PRCC: variants seen among roughly 807,000 people sequenced by gnomAD.
The protein encoded by PRCC is proline-rich protein PRCC.
In PRCC, 10 loss-of-function variants were observed where a neutral mutation model predicts 44.0. That is an observed-to-expected ratio of 0.23 (90% CI 0.14 to 0.39). PRCC has a LOEUF of 0.39. Among genes scored for constraint, PRCC ranks in the 10% least tolerant of loss-of-function variants. The probability of loss-of-function intolerance (pLI) is 1.00; values close to 1 mark genes in which losing one functional copy is unlikely to be tolerated. For missense variants in PRCC, 573 were observed against 624.7 expected, an observed-to-expected ratio of 0.92 and a Z score of 0.88; for synonymous variants, 278 against 259.5, an observed-to-expected ratio of 1.07 and a Z score of -0.69.
intron 4 of PRCC, among the ~76,000 whole-genome samples, chr1:156,792,297 G>A (rs1652516401): frequency 6.6e-6 from 1 of 151,922 alleles, no homozygotes; most frequent in Non-Finnish European, 1.5e-5. Flanking sequence ...CATTGGCATT[G>A]GAGATGCAGC....
chr1:156,777,346 C>T (rs9330271), intron 1 of PRCC, among the ~76,000 whole-genome samples: 127,676 of 152,154 alleles, frequency 0.84, 55,072 homozygotes, highest in Non-Finnish European at 0.94. Flanking sequence ...TTACTTTCTT[C>T]ACCATAAAGT....
chr1:156,784,206 C>T (rs184559837), intron 2 of PRCC, among the ~76,000 whole-genome samples: 2 of 152,266 alleles, frequency 1.3e-5, no homozygotes, highest in Non-Finnish European at 2.9e-5. Context: ...CTCGGCCTCC[C>T]AAAGTACTGA....
At chr1:156,787,222 G>T in intron 3 of PRCC, 48 bp downstream of exon 3, 1 of 1,539,828 alleles carries the variant, frequency 6.5e-7, no homozygotes, top group South Asian at 1.2e-5. Context: ...GGAACATGGT[G>T]GTCAAGGAGA....
Position 156,795,267 on chromosome 1 carries a change from T to A in PRCC, c.1323+459T>A, listed in dbSNP as rs115694110. 6.8e-3 allele frequency among the ~76,000 whole-genome samples: 1,004 copies of A among 147,900 alleles called. 18 individuals are homozygous for A. Among genetic ancestry groups the A allele is most frequent in the African/African-American group, 0.024 (950 of 40,270 alleles). On this transcript the variant is annotated intron_variant, in intron 5 of 6. Transcript: ENST00000271526. ...TCCTTTCCTCCTTCCTTCCTTCCAA[T>A]TGTTTTCATTTTCTGGTGTTTTTTT...
intron 4 of PRCC, among the ~76,000 whole-genome samples, chr1:156,793,971 T>C (rs2102772018): frequency 6.7e-6 from 1 of 148,968 alleles, no homozygotes; most frequent in African/African-American, 2.5e-5. Flanking sequence ...TTTTTTTTTT[T>C]TTGGAGACAG....
chr1:156,773,809 A>T (rs1651719177), intron 1 of PRCC, among the ~76,000 whole-genome samples: 1 of 152,270 alleles, frequency 6.6e-6, no homozygotes, highest in Non-Finnish European at 1.5e-5. Context: ...ACCAGTGTTC[A>T]TAGTAGCAAT....
chr1:156,789,331 T>A (rs573319614), intron 3 of PRCC, among the ~76,000 whole-genome samples: 1 of 152,352 alleles, frequency 6.6e-6, no homozygotes, highest in South Asian at 2.1e-4. Context: ...CCTAGACCAG[T>A]GTCCTGGAGC....
intron 3 of PRCC, chr1:156,791,263 G>A (rs1267566436): frequency 1.2e-6 from 1 of 825,902 alleles, no homozygotes; most frequent in Non-Finnish European, 1.9e-6. Context: ...GACCAAACTA[G>A]AATGAGGAGC....
At position 156,779,781 on chromosome 1, in the gene PRCC, T is replaced by A. The variant is rs150818383; in HGVS notation, c.469-2501T>A. ...AATATTAGAGGTGGGGGGGTCTCAC[T>A]ATGTTGACCAGGCTGGTCTTGAACT... On this transcript the variant is annotated intron_variant, in intron 1 of 6. Coordinates refer to ENST00000271526, the MANE Select transcript of PRCC (RefSeq NM_005973.5). Among the ~76,000 whole-genome samples the A allele has an allele frequency of 8.2e-3, 1,248 of 152,084 alleles. 23 individuals carry two copies. Among genetic ancestry groups the A allele is most frequent in the African/African-American group, 0.028 (1,176 of 41,456 alleles).
chr1:156,771,195 A>G (rs1651622108), intron 1 of PRCC, among the ~76,000 whole-genome samples: 1 of 152,088 alleles, frequency 6.6e-6, no homozygotes, highest in African/African-American at 2.4e-5. Context: ...CTTTCAGGGA[A>G]CCTCAGGTGA....
intron 4 of PRCC, among the ~76,000 whole-genome samples, chr1:156,793,875 AC>A (rs979542274): frequency 9.2e-4 from 138 of 150,018 alleles, no homozygotes; most frequent in Admixed American, 8.1e-3. Context: ...TGATCCTTCC[AC>A]CTTGCCTCCC....
intron 3 of PRCC, chr1:156,791,251 A>G: frequency 1.1e-6 from 1 of 934,378 alleles, no homozygotes; most frequent in Non-Finnish European, 1.6e-6. Flanking sequence ...CTGTATCCAC[A>G]GGACCAAACT....
intron 1 of PRCC, among the ~76,000 whole-genome samples, chr1:156,781,013 C>T (rs907204026): frequency 1.3e-5 from 2 of 152,156 alleles, no homozygotes; most frequent in Admixed American, 6.5e-5. Context: ...CAGGTGTGAG[C>T]CACTGCGCCC....
At chr1:156,789,089 C>T (rs1168683983) in intron 3 of PRCC, among the ~76,000 whole-genome samples, 1 of 152,168 alleles carries the variant, frequency 6.6e-6, no homozygotes, top group Non-Finnish European at 1.5e-5. Flanking sequence ...CCCGCCTCAG[C>T]CTCTCGAGTA....
chr1:156,778,423 A>T (rs527641477), intron 1 of PRCC, among the ~76,000 whole-genome samples: 2 of 152,234 alleles, frequency 1.3e-5, no homozygotes, highest in South Asian at 4.1e-4. Context: ...TTCTTTATCC[A>T]TTCATCTGTT....
chr1:156,788,940 A>G (rs573251484), intron 3 of PRCC, among the ~76,000 whole-genome samples: 1 of 151,056 alleles, frequency 6.6e-6, no homozygotes, highest in African/African-American at 2.4e-5. Flanking sequence ...TGCTGGGGTT[A>G]CAGAGGTGAG....
chr1:156,791,448 T>A (rs1322504617), intron 3 of PRCC: 2 of 531,896 alleles, frequency 3.8e-6, no homozygotes, highest in Non-Finnish European at 3.4e-6. Context: ...TCTTTGTTTC[T>A]TGTTACCCTT....
chr1:156,785,021 T>TAC (rs201535421), intron 2 of PRCC, among the ~76,000 whole-genome samples: 3 of 152,014 alleles, frequency 2.0e-5, no homozygotes, highest in African/African-American at 7.3e-5. Flanking sequence ...TATATATATA[T>TAC]ACACTCATTT....
intron 1 of PRCC, 32 bp from the exon 2 acceptor site, chr1:156,782,250 G>C (rs762214715): frequency 1.3e-6 from 2 of 1,564,798 alleles, no homozygotes; most frequent in Non-Finnish European, 1.8e-6. Context: ...TCCTAAAACA[G>C]TGAGGCCTTA....
Sources: allele counts gnomAD v4.1 joint callset (sites outside exome capture counted in the v4.1 genomes callset), GRCh38; gene constraint gnomAD v4.1.1; transcripts MANE v1.5; gene names NCBI Gene and HGNC (gene_info 2026-07-23, HGNC 2026-07-21).